NHS: variants seen among roughly 807,000 people sequenced by gnomAD.
NHS encodes NHS actin remodeling regulator, also known as actin remodeling regulator NHS.
NHS carries 5 observed loss-of-function variants against 72.5 expected under a neutral mutation model. That is an observed-to-expected ratio of 0.07 (90% CI 0.04 to 0.14). The LOEUF (loss-of-function observed/expected upper bound fraction) is 0.14, where lower values mean the gene tolerates loss of function less well. NHS is among the 10% of genes least tolerant of loss of function. The pLI is 1.00. For missense variants in NHS, 1,072 were observed against 1,355.7 expected (o/e 0.79, Z 3.29); for synonymous variants, 464 against 547.7 (o/e 0.85, Z 2.13).
chrX:17,534,228 T>C (rs1475702503), intron 1 of NHS, among the ~76,000 whole-genome samples: 1 of 112,356 alleles, frequency 8.9e-6, no homozygotes, highest in Non-Finnish European at 1.9e-5. Context: ...GGATTGAGAC[T>C]ATGAGTTGAT....
At chrX:17,572,675 T>C (rs2065487939) in intron 1 of NHS, among the ~76,000 whole-genome samples, 1 of 110,492 alleles carries the variant, frequency 9.1e-6, no homozygotes, top group Admixed American at 9.6e-5. Flanking sequence ...TTAGCCCGTT[T>C]ACATTTAAGG....
At chrX:17,503,873 C>A (rs1205663215) in intron 1 of NHS, among the ~76,000 whole-genome samples, 1 of 111,109 alleles carries the variant, frequency 9.0e-6, no homozygotes, top group Non-Finnish European at 1.9e-5. Flanking sequence ...TCTGTGATCC[C>A]AACATTGAGG....
intron 1 of NHS, among the ~76,000 whole-genome samples, chrX:17,420,552 A>G (rs1457652781): frequency 9.0e-6 from 1 of 111,285 alleles, no homozygotes; most frequent in Non-Finnish European, 1.9e-5. Flanking sequence ...CCACCCATCC[A>G]TTCAGCCACC....
intron 1 of NHS, among the ~76,000 whole-genome samples, chrX:17,430,275 CTT>C (rs1205449901): frequency 1.5e-5 from 1 of 65,929 alleles, no homozygotes. Flanking sequence ...TTCTTTCTTT[CTT>C]TCTTTCTTTC....
intron 1 of NHS, among the ~76,000 whole-genome samples, chrX:17,481,110 G>C (rs920012756): frequency 5.4e-5 from 6 of 111,740 alleles, no homozygotes; most frequent in African/African-American, 2.0e-4. Flanking sequence ...TGTTATGAAC[G>C]ACCTTCTTGC....
Position 17,695,884 on chromosome X carries a change from T to A in NHS, c.852+3416T>A, listed in dbSNP as rs777297337. ...TAAAGCCCATCTAAGAGTCCTTACT[T>A]ATCAAGGGTGGCAAAGGAGGTCATT... On this transcript the variant is annotated intron_variant, in intron 3 of 8. Coordinates refer to ENST00000676302, the MANE Select transcript of NHS (RefSeq NM_001291867.2). Among the ~76,000 whole-genome samples the A allele has an allele frequency of 1.3e-3, 134 of 103,170 alleles. 1 individual carries two copies. Among genetic ancestry groups the A allele is most frequent in the African/African-American group, 4.3e-3 (123 of 28,549 alleles). The allele number at this position is 103,170 out of a possible 115,157, so 89.6% of individuals were successfully genotyped here. A position where few individuals can be genotyped will look rare whatever the true frequency, so the allele number is the denominator to read the frequency against.
At chrX:17,697,684 G>A (rs1452851835) in intron 3 of NHS, among the ~76,000 whole-genome samples, 1 of 111,056 alleles carries the variant, frequency 9.0e-6, no homozygotes, top group Non-Finnish European at 1.9e-5. Flanking sequence ...AAAGTACAGT[G>A]GAGATGAAGA....
chrX:17,481,253 T>A (rs1204331345), intron 1 of NHS, among the ~76,000 whole-genome samples: 1 of 111,813 alleles, frequency 8.9e-6, no homozygotes, highest in Non-Finnish European at 1.9e-5. Flanking sequence ...ACATTTACTT[T>A]AATAAGCCAT....
In NHS at chrX:17,380,757, T is replaced by G. The variant is rs1949298869; in HGVS notation, c.565+4435T>G. Among the ~76,000 whole-genome samples, 3 of 111,579 alleles carry G rather than the reference T, an allele frequency of 2.7e-5. No individual in the cohort carries two copies. In the Admixed American group the frequency reaches 2.8e-4, roughly 11 times the overall value. ...AAAATGTCTTAAAAGGTATTGATAT[T>G]TTAGGCATGTTCAGATTCCAAGAGA... On this transcript the variant is annotated intron_variant, in intron 1 of 8. Coordinates refer to ENST00000676302, the MANE Select transcript of NHS (RefSeq NM_001291867.2).
At chrX:17,439,477 A>T (rs1335302700) in intron 1 of NHS, among the ~76,000 whole-genome samples, 1 of 111,552 alleles carries the variant, frequency 9.0e-6, no homozygotes, top group Non-Finnish European at 1.9e-5. Context: ...ATATATTCCT[A>T]AGCAGCATTT....
chrX:17,597,938 G>A (rs1233571523), intron 1 of NHS, among the ~76,000 whole-genome samples: 1 of 111,376 alleles, frequency 9.0e-6, no homozygotes, highest in Non-Finnish European at 1.9e-5. Context: ...ATTTCTAGGA[G>A]GGTAGGACAC....
intron 1 of NHS, among the ~76,000 whole-genome samples, chrX:17,498,646 A>G (rs957421179): frequency 3.6e-5 from 4 of 111,683 alleles, no homozygotes; most frequent in African/African-American, 1.3e-4. Context: ...CCATTTAGCC[A>G]CAGGTCCAAT....
intron 1 of NHS, among the ~76,000 whole-genome samples, chrX:17,472,559 G>A (rs1477089725): frequency 2.7e-5 from 3 of 112,268 alleles, no homozygotes; most frequent in African/African-American, 6.5e-5. Flanking sequence ...ATGCAGGGAA[G>A]GACATTCTCT....
chrX:17,726,764 G>A lies in NHS; in HGVS notation c.2658G>A (p.Arg886=). The change falls in exon 7 of 9, where the codon AGG becomes AGA. Residue 886 remains arginine, a synonymous_variant. Coordinates refer to ENST00000676302, the MANE Select transcript of NHS (RefSeq NM_001291867.2). ...SSGQHLPHSS[R]EMKLPLDFAN... ...GTCAGCACCTGCCTCACAGTTCCAG[G>A]GAAATGAAGCTGCCTCTTGATTTCG... is the stretch of plus-strand genomic sequence containing the variant. 1 of 1,211,841 alleles carries A rather than the reference G, an allele frequency of 8.3e-7. No homozygotes were observed. Among genetic ancestry groups the A allele is most frequent in the Non-Finnish European group, 1.1e-6 (1 of 895,500 alleles).
At chrX:17,519,752 C>G (rs1440929850) in intron 1 of NHS, among the ~76,000 whole-genome samples, 1 of 111,122 alleles carries the variant, frequency 9.0e-6, no homozygotes, top group African/African-American at 3.3e-5. Context: ...TTAGGATAAC[C>G]CACCGGGACC....
At chrX:17,672,120 T>C (rs1444269423) in intron 1 of NHS, among the ~76,000 whole-genome samples, 2 of 112,390 alleles carry the variant, frequency 1.8e-5, no homozygotes, top group Non-Finnish European at 3.8e-5. Context: ...AGCGAGTTCA[T>C]TGAATTAGTG....
intron 1 of NHS, among the ~76,000 whole-genome samples, chrX:17,611,531 ATTTTG>A (rs2065711219): frequency 9.0e-6 from 1 of 111,712 alleles, no homozygotes. Flanking sequence ...GGAAAGAAAC[ATTTTG>A]AAAAGTTTTT....
At chrX:17,515,332 T>C (rs1274438437) in intron 1 of NHS, among the ~76,000 whole-genome samples, 4 of 111,325 alleles carry the variant, frequency 3.6e-5, no homozygotes, top group East Asian at 2.8e-4. Flanking sequence ...GAGTATTCCA[T>C]TGTGCCATGA....
intron 1 of NHS, among the ~76,000 whole-genome samples, chrX:17,475,521 G>A (rs755997831): frequency 8.1e-5 from 9 of 111,557 alleles, no homozygotes; most frequent in Non-Finnish European, 1.5e-4. Context: ...TCTGTTTCCC[G>A]TTTTCTAGTT....
Sources: gnomAD v4.1 joint callset for allele counts (sites outside exome capture counted in the v4.1 genomes callset) on GRCh38, gnomAD v4.1.1 for gene constraint, MANE v1.5 for transcripts, NCBI Gene and HGNC (gene_info 2026-07-23, HGNC 2026-07-21) for gene names.